MRPL42: variants seen among roughly 807,000 people sequenced by gnomAD.
MRPL42 encodes the protein large ribosomal subunit protein mL42.
A neutral mutation model predicts 17.9 loss-of-function variants in MRPL42; 17 were observed. The observed-to-expected ratio is 0.95, with a 90% CI of 0.65 to 1.42. The LOEUF (loss-of-function observed/expected upper bound fraction) is 1.42. Ranked by LOEUF, MRPL42 falls within the 40% of genes most tolerant of loss-of-function variation. The pLI, the probability that MRPL42 is intolerant of heterozygous loss-of-function variation, is 0.00. For synonymous variants in MRPL42, 59 were observed against 54.4 expected (o/e 1.08, Z -0.37); for missense variants, 177 against 175.2 (o/e 1.01, Z -0.06).
At position 93,503,441 on chromosome 12, in the gene MRPL42, C is replaced by T. The variant is rs1025009731; in HGVS notation, c.*2220C>T. 6.6e-6 allele frequency: 1 copy of T among 151,662 alleles called. No individual in the cohort carries two copies. The highest frequency in any genetic ancestry group is 1.5e-5 in the Non-Finnish European group (1 of 68,006). The allele number at this position is 151,662 out of a possible 1,614,324, so 9.4% of individuals were successfully genotyped here. ...TGTCGCCCAGGATGGAGTGCAGTGG[C>T]ACAATCACATTGCACTGCAACCTCA... is the stretch of plus-strand genomic sequence containing the variant. On this transcript the variant is annotated 3_prime_UTR_variant, in exon 6 of 6. Coordinates refer to ENST00000549982, the MANE Select transcript of MRPL42 (RefSeq NM_014050.4).
rs574638891 is a variant in MRPL42 at position 93,504,553 on chromosome 12, A to C, written c.*3332A>C. 4 of 152,340 alleles carry C rather than the reference A, an allele frequency of 2.6e-5. No homozygotes were observed. The South Asian group carries it at 8.3e-4, about 32-fold the overall frequency. 9.4% of individuals were successfully genotyped at this position (152,340 alleles called of 1,614,324 possible). On this transcript the variant is annotated 3_prime_UTR_variant, in exon 6 of 6. Transcript: ENST00000549982. Reference sequence around the variant, plus strand: ...TAGGCAAAGACTGGAAAATGTTTTAATTTGATCAGCCACTTTAATGTATGT... The same window carrying C: ...TAGGCAAAGACTGGAAAATGTTTTACTTTGATCAGCCACTTTAATGTATGT...
intron 4 of MRPL42, among the ~76,000 whole-genome samples, chr12:93,481,152 G>C (rs933742788): frequency 6.6e-6 from 1 of 152,066 alleles, no homozygotes; most frequent in Non-Finnish European, 1.5e-5. Context: ...TTATATCTCT[G>C]AATCTGACCC....
intron 3 of MRPL42, among the ~76,000 whole-genome samples, chr12:93,477,624 T>C (rs956332782): frequency 5.3e-5 from 8 of 152,058 alleles, no homozygotes; most frequent in Non-Finnish European, 1.2e-4. Flanking sequence ...CGAGATGGGG[T>C]CTTGTTCTCT....
At position 93,508,541 on chromosome 12, in the gene MRPL42, GGA is replaced by G. The variant is rs1953694456; in HGVS notation, c.*7325_*7326del. 6.6e-6 allele frequency: 1 copy of G among 152,242 alleles called. No individual in the cohort carries two copies. Among genetic ancestry groups the G allele is most frequent in the African/African-American group, 2.4e-5 (1 of 41,462 alleles). 9.4% of individuals were successfully genotyped at this position (152,242 alleles called of 1,614,324 possible). A position where few individuals can be genotyped will look rare whatever the true frequency, so the allele number is the denominator to read the frequency against. On this transcript the variant is annotated 3_prime_UTR_variant, in exon 6 of 6. Coordinates refer to ENST00000549982, the MANE Select transcript of MRPL42 (RefSeq NM_014050.4). ...CTATCTCAGATTCAAGGGAGTAAGA[GGA>G]GAGATGCTACCTATTAAAAGGAGAA...
chr12:93,487,067 G>A (rs1880779075), intron 4 of MRPL42, among the ~76,000 whole-genome samples: 1 of 152,142 alleles, frequency 6.6e-6, no homozygotes, highest in Non-Finnish European at 1.5e-5. Flanking sequence ...GGTCTCAAGT[G>A]ATCCTCCCAC....
rs4020795 is a variant in MRPL42, at chr12:93,484,979, CATATATATATATATATATATATATAT to C, written c.220-2494_220-2469del. Reference sequence around the variant, plus strand: ...TTTAAAAAACACACACACACACACACATATATATATATATATATATATATATATATATATATATATATATATATAAA... The same window carrying C: ...TTTAAAAAACACACACACACACACACATATATATATATATATATATATAAA... On this transcript the variant is annotated intron_variant, in intron 4 of 5. Transcript: ENST00000549982. Among the ~76,000 whole-genome samples, 17 of 22,472 alleles carry C rather than the reference CATATATATATATATATATATATATAT, an allele frequency of 7.6e-4. 1 individual carries two copies. In the South Asian group the frequency reaches 0.015, roughly 20 times the overall value. 14.7% of individuals were successfully genotyped at this position (22,472 alleles called of 152,430 possible).
At chr12:93,497,425 G>C (rs907074875) in intron 5 of MRPL42, among the ~76,000 whole-genome samples, 7 of 152,176 alleles carry the variant, frequency 4.6e-5, no homozygotes, top group East Asian at 3.9e-4. Context: ...GCTGATTCAA[G>C]ATACGCAAAT....
Position 93,506,395 on chromosome 12 carries a change from A to G in MRPL42, c.*5174A>G, listed in dbSNP as rs1304950697. On this transcript the variant is annotated 3_prime_UTR_variant, in exon 6 of 6. Coordinates refer to ENST00000549982, the MANE Select transcript of MRPL42 (RefSeq NM_014050.4). ...ATTCTCCTGCCTCAGCTTCCCAAGT[A>G]GCTGGGACTATAGGCATGCAACACC... 6.7e-6 allele frequency: 1 copy of G among 149,180 alleles called. No homozygotes were observed. The highest frequency in any genetic ancestry group is 6.9e-5 in the Admixed American group (1 of 14,522). 9.2% of individuals were successfully genotyped at this position (149,180 alleles called of 1,614,324 possible). A position where few individuals can be genotyped will look rare whatever the true frequency, so the allele number is the denominator to read the frequency against.
rs996045498 is a variant in MRPL42 at position 93,477,580 on chromosome 12, T to G, written c.134+563T>G. On this transcript the variant is annotated intron_variant, in intron 3 of 5. Coordinates refer to ENST00000549982, the MANE Select transcript of MRPL42 (RefSeq NM_014050.4). ...ATTATAATAAAAATATTTTTTCTTC[T>G]CTCTTGACACTAGTTTTATTTTTAT... is the stretch of plus-strand genomic sequence containing the variant. Among the ~76,000 whole-genome samples, 5 of 152,320 alleles carry G rather than the reference T, an allele frequency of 3.3e-5. 1 individual carries two copies. Among genetic ancestry groups the G allele is most frequent in the East Asian group, 1.9e-4 (1 of 5,186 alleles).
At chr12:93,491,504 CTATATGCTTTGTAA>C (rs1309934598) in intron 5 of MRPL42, among the ~76,000 whole-genome samples, 1 of 152,030 alleles carries the variant, frequency 6.6e-6, no homozygotes, top group African/African-American at 2.4e-5. Context: ...GCTATATGAG[CTATATGCTTTGTAA>C]ATTTTTTTAT....
chr12:93,505,321 A>G lies in MRPL42; in HGVS notation c.*4100A>G, dbSNP rs1229068203. On this transcript the variant is annotated 3_prime_UTR_variant, in exon 6 of 6. Transcript: ENST00000549982. ...TTGGATGGTTCTGGGCACTTCAGGT[A>G]AACCCTTACTCAAAGAATACTTTTT... 1.3e-5 allele frequency: 2 copies of G among 152,218 alleles called. No individual in the cohort carries two copies. The highest frequency in any genetic ancestry group is 4.8e-5 in the African/African-American group (2 of 41,454). 9.4% of individuals were successfully genotyped at this position (152,218 alleles called of 1,614,324 possible).
intron 5 of MRPL42, among the ~76,000 whole-genome samples, chr12:93,491,139 C>T (rs942230937): frequency 1.3e-5 from 2 of 152,198 alleles, no homozygotes; most frequent in African/African-American, 2.4e-5. Context: ...GATCCCACTG[C>T]CTTGGGCTCC....
At chr12:93,476,892 A>C (rs142730595) in intron 2 of MRPL42, 62 bp from the exon 3 acceptor site, 2 of 1,464,852 alleles carry the variant, frequency 1.4e-6, no homozygotes, top group South Asian at 1.2e-5. Context: ...ACTAGCTTTA[A>C]ATTTATGGAG....
intron 5 of MRPL42, among the ~76,000 whole-genome samples, chr12:93,491,106 G>A (rs1370051881): frequency 6.6e-6 from 1 of 152,038 alleles, no homozygotes; most frequent in Admixed American, 6.6e-5. Flanking sequence ...GGCCAGGCTG[G>A]TCTCAAACTC....
At chr12:93,473,114 T>C (rs1178382126) in intron 2 of MRPL42, among the ~76,000 whole-genome samples, 1 of 152,234 alleles carries the variant, frequency 6.6e-6, no homozygotes, top group African/African-American at 2.4e-5. Context: ...ACTCATAAAT[T>C]ACAGAAATTA....
At chr12:93,483,691 CA>C (rs1346932427) in intron 4 of MRPL42, among the ~76,000 whole-genome samples, 2 of 152,178 alleles carry the variant, frequency 1.3e-5, no homozygotes, top group Middle Eastern at 6.8e-3. Context: ...ACTTTATAAA[CA>C]AACACTGTAT....
At position 93,511,335 on chromosome 12, in the gene MRPL42, TATTC is replaced by T. The variant is rs927171685; in HGVS notation, c.*10118_*10121del. On this transcript the variant is annotated 3_prime_UTR_variant, in exon 6 of 6. Transcript: ENST00000549982. ...GTAATTAAAAAACTGAAAGCACAGA[TATTC>T]ATTATTTCACAAATAAACGTTAATG... 6.6e-6 allele frequency: 1 copy of T among 152,224 alleles called. No individual in the cohort carries two copies. The highest frequency in any genetic ancestry group is 3.2e-3 in the Middle Eastern group (1 of 316). 9.4% of individuals were successfully genotyped at this position (152,224 alleles called of 1,614,324 possible).
Position 93,511,647 on chromosome 12 carries a change from A to G in MRPL42, c.*10426A>G, listed in dbSNP as rs1025774990. The G allele has an allele frequency of 6.6e-6, 1 of 152,238 alleles. No individual in the cohort carries two copies. Among genetic ancestry groups the G allele is most frequent in the African/African-American group, 2.4e-5 (1 of 41,474 alleles). 9.4% of individuals were successfully genotyped at this position (152,238 alleles called of 1,614,324 possible). ...CCATTAATATATAGATATTACTAAT[A>G]TGGCAATTAGTTTATATGCTATTTG... On this transcript the variant is annotated 3_prime_UTR_variant, in exon 6 of 6. Transcript: ENST00000549982.
chr12:93,514,722 TTTTC>T lies in MRPL42; in HGVS notation c.*13505_*13508del, dbSNP rs1451517917. On this transcript the variant is annotated 3_prime_UTR_variant, in exon 6 of 6. Transcript: ENST00000549982. ...AAATATTTGTCATATTCCTTCTTATTTTTCTTTAAGCTTTATTTTTTCTTATTAT... is the reference window on the plus strand; with the variant it reads ...AAATATTTGTCATATTCCTTCTTATTTTTAAGCTTTATTTTTTCTTATTAT... 3.9e-5 allele frequency: 6 copies of T among 152,324 alleles called. No homozygotes were observed. Among genetic ancestry groups the T allele is most frequent in the African/African-American group, 1.4e-4 (6 of 41,570 alleles). The allele number at this position is 152,324 out of a possible 1,614,324, so 9.4% of individuals were successfully genotyped here. A position where few individuals can be genotyped will look rare whatever the true frequency, so the allele number is the denominator to read the frequency against.
Sources: gnomAD v4.1 joint callset for allele counts (sites outside exome capture counted in the v4.1 genomes callset) on GRCh38, gnomAD v4.1.1 for gene constraint, MANE v1.5 for transcripts, NCBI Gene and HGNC (gene_info 2026-07-23, HGNC 2026-07-21) for gene names.